Variants in VRK3 observed in about 807,000 individuals in gnomAD.
The protein encoded by VRK3 is VRK serine/threonine kinase 3, also known as serine/threonine-protein kinase VRK3.
Under a neutral mutation model 60.4 loss-of-function variants are expected in VRK3, and 50 were observed. That is an observed-to-expected ratio of 0.83 (90% CI 0.66 to 1.05). VRK3 has a LOEUF of 1.05. Ranked by LOEUF, VRK3 falls within the 50% of genes least tolerant of loss-of-function variation. The probability of loss-of-function intolerance (pLI) is 0.00; values close to 1 mark genes in which losing one functional copy is unlikely to be tolerated. For synonymous variants in VRK3, 246 were observed against 227.8 expected, an observed-to-expected ratio of 1.08 and a Z score of -0.72; for missense variants, 549 against 585.3, an observed-to-expected ratio of 0.94 and a Z score of 0.64.
chr19:49,977,932 C>A (rs904057547), intron 14 of VRK3, among the ~76,000 whole-genome samples: 1 of 152,162 alleles, frequency 6.6e-6, no homozygotes, highest in Non-Finnish European at 1.5e-5. Context: ...TTGACACACA[C>A]GTGTCAGCTC....
intron 12 of VRK3, among the ~76,000 whole-genome samples, chr19:49,987,501 T>C (rs1363802498): frequency 6.6e-6 from 1 of 152,222 alleles, no homozygotes; most frequent in Non-Finnish European, 1.5e-5. Flanking sequence ...TATGTTCCGC[T>C]GTCCACCGGC....
chr19:49,983,509 A>G (rs1257843601), intron 12 of VRK3, among the ~76,000 whole-genome samples: 2 of 152,112 alleles, frequency 1.3e-5, no homozygotes, highest in African/African-American at 4.8e-5. Flanking sequence ...AGGACATTAT[A>G]CACTGCACAG....
intron 5 of VRK3, among the ~76,000 whole-genome samples, chr19:50,003,872 G>A (rs1006152330): frequency 1.3e-5 from 2 of 152,198 alleles, no homozygotes; most frequent in African/African-American, 2.4e-5. Context: ...TGCTGGCACC[G>A]CGGCCAGACA....
rs751284742 is a variant in VRK3 at position 49,989,681 on chromosome 19, C to T, written c.1054G>A (p.Gly352Arg). The T allele has an allele frequency of 6.2e-7, 1 of 1,613,856 alleles. No individual in the cohort carries two copies. Among genetic ancestry groups the T allele is most frequent in the Admixed American group, 1.7e-5 (1 of 60,000 alleles). Reference protein sequence around the residue: ...YVEGSRSPHEGDLEFISMDLH... With the variant: ...YVEGSRSPHERDLEFISMDLH... ...TCCATGCTAATGAACTCAAGGTCCC[C>T]CTCGTGAGGGCTCCTGCTGCCTTCC... Residue 352 changes from glycine (G) to arginine (R), a missense_variant, in exon 11 of 15, where the codon GGG (glycine) becomes AGG (arginine). Coordinates refer to ENST00000316763, the MANE Select transcript of VRK3 (RefSeq NM_016440.4).
At chr19:49,994,548 C>T (rs77686465) in intron 9 of VRK3, among the ~76,000 whole-genome samples, 271 of 152,336 alleles carry the variant, frequency 1.8e-3, no homozygotes, top group African/African-American at 6.3e-3. Context: ...GGCTTAGAAA[C>T]ACCCTCCACC....
Position 49,997,584 on chromosome 19 carries a change from G to C in VRK3, c.613-14C>G. Reference sequence around the variant, plus strand: ...ATCCTTGGCATCCTGGTGGGGGACAGGAGGGGCAGAAGGCTGTCACACTGA... The same window carrying C: ...ATCCTTGGCATCCTGGTGGGGGACACGAGGGGCAGAAGGCTGTCACACTGA... On this transcript the variant is annotated splice_polypyrimidine_tract_variant and intron_variant, in intron 6 of 14. Transcript: ENST00000316763. 6.2e-7 allele frequency: 1 copy of C among 1,613,788 alleles called. No individual in the cohort carries two copies. Among genetic ancestry groups the C allele is most frequent in the Non-Finnish European group, 8.5e-7 (1 of 1,179,830 alleles).
chr19:49,993,958 C>G (rs2076656591), intron 9 of VRK3, among the ~76,000 whole-genome samples: 2 of 152,094 alleles, frequency 1.3e-5, no homozygotes, highest in African/African-American at 4.8e-5. Context: ...CCGCCCTCCC[C>G]TAATCCCAGC....
chr19:49,983,812 C>T (rs2076465241), intron 12 of VRK3, among the ~76,000 whole-genome samples: 3 of 152,206 alleles, frequency 2.0e-5, no homozygotes, highest in Non-Finnish European at 4.4e-5. Flanking sequence ...GTAGCAACAT[C>T]GCCCCCTTGT....
chr19:50,016,175 A>G lies in VRK3; in HGVS notation c.-1-12T>C. The G allele has an allele frequency of 6.2e-7, 1 of 1,613,808 alleles. No homozygotes were observed. Among genetic ancestry groups the G allele is most frequent in the Non-Finnish European group, 8.5e-7 (1 of 1,180,008 alleles). On this transcript the variant is annotated splice_polypyrimidine_tract_variant and intron_variant, in intron 2 of 14. Transcript: ENST00000316763. ...AGAAGGAGATCATGCTACAAAACAG[A>G]ATGAACAAACACAAAGTGAAACGGG...
intron 2 of VRK3, among the ~76,000 whole-genome samples, chr19:50,018,634 T>C (rs922461068): frequency 6.6e-6 from 1 of 152,216 alleles, no homozygotes; most frequent in Non-Finnish European, 1.5e-5. Flanking sequence ...AAGCCAGTCA[T>C]TCTAACTTAA....
At chr19:49,983,269 C>T (rs1291622111) in intron 12 of VRK3, among the ~76,000 whole-genome samples, 3 of 152,192 alleles carry the variant, frequency 2.0e-5, no homozygotes, top group African/African-American at 7.2e-5. Flanking sequence ...CGCACGTATG[C>T]CTCTGCACAT....
chr19:50,010,046 T>TC (rs2122485271), intron 3 of VRK3, among the ~76,000 whole-genome samples: 1 of 143,186 alleles, frequency 7.0e-6, no homozygotes, highest in Admixed American at 6.9e-5. Flanking sequence ...ACAATAATTA[T>TC]TTTATATATA....
intron 3 of VRK3, among the ~76,000 whole-genome samples, chr19:50,014,639 T>G (rs2077045462): frequency 6.6e-6 from 1 of 151,768 alleles, no homozygotes; most frequent in African/African-American, 2.4e-5. Flanking sequence ...TGCAGGCCCA[T>G]AAGGGAAGAG....
In VRK3 at chr19:50,007,669, A is replaced by C. The variant is rs1331196906; in HGVS notation, c.447T>G (p.Leu149=). ...TLKRSRVTTS[L]EALPTGTVLT... is the part of the protein sequence containing the mutation. ...GCACTGTCCCTGTGGGCAAAGCTTCAAGTGAGGTGGTCACTCGGCTCCGCT... is the reference window on the plus strand; with the variant it reads ...GCACTGTCCCTGTGGGCAAAGCTTCCAGTGAGGTGGTCACTCGGCTCCGCT... The change falls in exon 5 of 15, where the codon CTT becomes CTG. Residue 149 remains leucine, a synonymous_variant. Coordinates refer to ENST00000316763, the MANE Select transcript of VRK3 (RefSeq NM_016440.4). 4.3e-6 allele frequency: 7 copies of C among 1,614,088 alleles called. No individual in the cohort carries two copies. The highest frequency in any genetic ancestry group is 5.9e-6 in the Non-Finnish European group (7 of 1,180,014).
intron 3 of VRK3, among the ~76,000 whole-genome samples, chr19:50,012,485 G>C (rs938907695): frequency 1.3e-5 from 2 of 152,104 alleles, no homozygotes; most frequent in Non-Finnish European, 2.9e-5. Flanking sequence ...TAATCCTCGG[G>C]ACAAATACAG....
Position 49,979,160 on chromosome 19 carries a change from T to C in VRK3, c.1359A>G (p.Leu453=). Residue 453 remains leucine (L), a synonymous_variant, in exon 14 of 15, where the codon CTA becomes CTG. Coordinates refer to ENST00000316763, the MANE Select transcript of VRK3 (RefSeq NM_016440.4). ...CACGCAGATCCTGCAGCAAAGCTTC[T>C]AGGTTGTTCCTCAGCATGGCGTAGG... ...KPPYAMLRNN[L]EALLQDLRVS... 1.9e-6 allele frequency: 3 copies of C among 1,614,048 alleles called. No homozygotes were observed. The highest frequency in any genetic ancestry group is 1.1e-5 in the South Asian group (1 of 91,082).
At chr19:49,993,323 A>C (rs1305649550) in intron 9 of VRK3, among the ~76,000 whole-genome samples, 1 of 152,172 alleles carries the variant, frequency 6.6e-6, no homozygotes, top group African/African-American at 2.4e-5. Context: ...AGCAGAAATA[A>C]ATCTTGTTAA....
intron 10 of VRK3, among the ~76,000 whole-genome samples, chr19:49,990,561 T>A (rs900958714): frequency 6.6e-6 from 1 of 151,772 alleles, no homozygotes; most frequent in Non-Finnish European, 1.5e-5. Flanking sequence ...TTTGTAAAGA[T>A]GGGGTTTTGC....
chr19:49,988,452 G>A lies in VRK3; in HGVS notation c.1137C>T (p.Cys379=). Residue 379 remains cysteine, a synonymous_variant, in exon 12 of 15, where the codon TGC becomes TGT. Transcript: ENST00000316763. Reference sequence around the variant, plus strand: ...GAAACCCGTAGAGCCACTTCAGCATGCAGTAGCCCAGGCTCTGGAGGTCGC... The same window carrying A: ...GAAACCCGTAGAGCCACTTCAGCATACAGTAGCCCAGGCTCTGGAGGTCGC... ...RRSDLQSLGY[C]MLKWLYGFLP... is the part of the protein sequence containing the mutation. 6.2e-7 allele frequency: 1 copy of A among 1,613,690 alleles called. No homozygotes were observed. Among genetic ancestry groups the A allele is most frequent in the Non-Finnish European group, 8.5e-7 (1 of 1,179,734 alleles).
Sources: gnomAD v4.1 joint callset for allele counts (sites outside exome capture counted in the v4.1 genomes callset) on GRCh38, gnomAD v4.1.1 for gene constraint, MANE v1.5 for transcripts, NCBI Gene and HGNC (gene_info 2026-07-23, HGNC 2026-07-21) for gene names.